Variants in CEP57L1 observed in about 807,000 individuals in gnomAD.
CEP57L1 encodes the protein centrosomal protein CEP57L1.
A neutral mutation model predicts 61.0 loss-of-function variants in CEP57L1; 37 were observed. The ratio of observed to expected loss-of-function variants is 0.61; its 90% confidence interval spans 0.47 to 0.80. CEP57L1 has a LOEUF of 0.80. Among genes scored for constraint, CEP57L1 ranks in the 30% least tolerant of loss-of-function variants. CEP57L1 has a pLI of 0.00. For synonymous variants in CEP57L1, 137 were observed against 162.3 expected (o/e 0.84, Z 1.19); for missense variants, 422 against 524.7 (o/e 0.80, Z 1.91).
intron 1 of CEP57L1, among the ~76,000 whole-genome samples, chr6:109,123,938 G>A (rs1773258181): frequency 6.6e-6 from 1 of 152,114 alleles, no homozygotes; most frequent in African/African-American, 2.4e-5. Context: ...AGGCATGGTG[G>A]CGTGCACCTG....
intron 3 of CEP57L1, among the ~76,000 whole-genome samples, chr6:109,148,541 CA>C: frequency 6.6e-6 from 1 of 152,184 alleles, no homozygotes; most frequent in South Asian, 2.1e-4. Context: ...GGGTAGGTTC[CA>C]AGTCTTTGCT....
rs1315494554 is a variant in CEP57L1, at chr6:109,171,143, G to A, written c.*8173G>A. Among the ~76,000 whole-genome samples, 6 of 152,004 alleles carry A rather than the reference G, an allele frequency of 3.9e-5. No individual in the cohort carries two copies. Among genetic ancestry groups the A allele is most frequent in the Non-Finnish European group, 8.8e-5 (6 of 67,998 alleles). On this transcript the variant is annotated 3_prime_UTR_variant, in exon 11 of 11. Transcript: ENST00000517392. The stretch of plus-strand genomic sequence containing the variant: ...TCTTTTACAGAATGGCTCTCAAGTC[G>A]AAAGAGGGCTGTGCCTTTGGTGTTT...
At chr6:109,126,647 CATT>C in intron 1 of CEP57L1, among the ~76,000 whole-genome samples, 1 of 152,186 alleles carries the variant, frequency 6.6e-6, no homozygotes, top group African/African-American at 2.4e-5. Flanking sequence ...TGACCTTAGA[CATT>C]ATATGTTCTA....
At chr6:109,104,584 GTTTGT>G (rs1173561229) in intron 1 of CEP57L1, among the ~76,000 whole-genome samples, 2 of 151,902 alleles carry the variant, frequency 1.3e-5, no homozygotes, top group Admixed American at 1.3e-4. Context: ...TTTTTTGTTT[GTTTGT>G]TTTGTTTTGT....
Position 109,164,526 on chromosome 6 carries a change from C to T in CEP57L1, c.*1556C>T, listed in dbSNP as rs1407872615. ...TTAGCTCCTCAGCCCTGGAGATGTT[C>T]CATAGGGTGTTTGATCTAAACTCAG... On this transcript the variant is annotated 3_prime_UTR_variant, in exon 11 of 11. Coordinates refer to ENST00000517392, the MANE Select transcript of CEP57L1 (RefSeq NM_001271852.3). 6.6e-6 allele frequency among the ~76,000 whole-genome samples: 1 copy of T among 152,094 alleles called. No individual in the cohort carries two copies. Among genetic ancestry groups the T allele is most frequent in the Non-Finnish European group, 1.5e-5 (1 of 68,006 alleles).
Position 109,167,920 on chromosome 6 carries a change from A to G in CEP57L1, c.*4950A>G, listed in dbSNP as rs756826709. Among the ~76,000 whole-genome samples the G allele has an allele frequency of 6.6e-5, 10 of 152,226 alleles. No individual in the cohort carries two copies. Among genetic ancestry groups the G allele is most frequent in the Non-Finnish European group, 1.3e-4 (9 of 68,030 alleles). On this transcript the variant is annotated 3_prime_UTR_variant, in exon 11 of 11. Transcript: ENST00000517392. Reference sequence around the variant, plus strand: ...ATCTCAAAATACTGTATTAGCTACTATGGAATTCCGTTTTCAAGTTGCTTA... The same window carrying G: ...ATCTCAAAATACTGTATTAGCTACTGTGGAATTCCGTTTTCAAGTTGCTTA...
In CEP57L1 at chr6:109,153,851, A is replaced by G. The variant is rs778591690; in HGVS notation, c.481A>G (p.Lys161Glu). The change falls in exon 5 of 11, where the codon AAA becomes GAA. Residue 161 changes from lysine (K) to glutamate (E), a missense_variant. By Grantham distance (56) the Lys-to-Glu change is moderately conservative (BLOSUM62 1). Transcript: ENST00000517392. ...TTTCTAGGCCCAGCTTCAGAGGGAAAAAGAACAAGATCAGATGAAGCTGTA... is the reference window on the plus strand; with the variant it reads ...TTTCTAGGCCCAGCTTCAGAGGGAAGAAGAACAAGATCAGATGAAGCTGTA... Reference protein sequence around the residue: ...LEQQAQLQREKEQDQMKLYAK... With the variant: ...LEQQAQLQREEEQDQMKLYAK... 6.2e-7 allele frequency: 1 copy of G among 1,610,588 alleles called. No homozygotes were observed. Among genetic ancestry groups the G allele is most frequent in the Admixed American group, 1.7e-5 (1 of 59,480 alleles).
chr6:109,102,280 C>T (rs1382626729), intron 1 of CEP57L1, among the ~76,000 whole-genome samples: 1 of 152,072 alleles, frequency 6.6e-6, no homozygotes. Flanking sequence ...TCACTGTAAC[C>T]TCAAACCCCT....
chr6:109,124,822 T>C (rs188418872), intron 1 of CEP57L1, among the ~76,000 whole-genome samples: 7 of 152,148 alleles, frequency 4.6e-5, no homozygotes, highest in African/African-American at 1.7e-4. Flanking sequence ...GAAGTCATCA[T>C]TGAAATGCCC....
chr6:109,141,148 T>C (rs1227344409), intron 1 of CEP57L1, among the ~76,000 whole-genome samples: 1 of 151,944 alleles, frequency 6.6e-6, no homozygotes, highest in African/African-American at 2.4e-5. Flanking sequence ...TTTATTTGAC[T>C]CTGTAGCTAT....
intron 1 of CEP57L1, among the ~76,000 whole-genome samples, chr6:109,101,986 C>T (rs1307125656): frequency 6.6e-6 from 1 of 152,176 alleles, no homozygotes; most frequent in Non-Finnish European, 1.5e-5. Context: ...GTTCCTGTTG[C>T]GCCCCACCTT....
intron 3 of CEP57L1, among the ~76,000 whole-genome samples, chr6:109,149,352 C>T (rs1008959128): frequency 9.9e-5 from 15 of 152,192 alleles, no homozygotes; most frequent in African/African-American, 3.1e-4. Context: ...AGCCAGTTTT[C>T]CCAGCACCAT....
At chr6:109,102,274 T>C (rs1049960857) in intron 1 of CEP57L1, among the ~76,000 whole-genome samples, 1 of 152,118 alleles carries the variant, frequency 6.6e-6, no homozygotes, top group African/African-American at 2.4e-5. Context: ...CATAGATCAC[T>C]GTAACCTCAA....
intron 1 of CEP57L1, among the ~76,000 whole-genome samples, chr6:109,103,236 G>A (rs907068433): frequency 6.6e-6 from 1 of 152,066 alleles, no homozygotes; most frequent in Admixed American, 6.5e-5. Context: ...ATTATTTACT[G>A]TATAGTAGCA....
intron 1 of CEP57L1, among the ~76,000 whole-genome samples, chr6:109,098,039 A>G (rs1781923190): frequency 6.6e-6 from 1 of 152,232 alleles, no homozygotes; most frequent in Admixed American, 6.5e-5. Flanking sequence ...GACTGAAAGG[A>G]CTAACATTTT....
chr6:109,136,753 T>TTATTG (rs1241528931), intron 1 of CEP57L1, among the ~76,000 whole-genome samples: 21 of 143,542 alleles, frequency 1.5e-4, no homozygotes, highest in Non-Finnish European at 3.1e-4. Flanking sequence ...TTATTTTATT[T>TTATTG]TATTTTATTT....
intron 1 of CEP57L1, among the ~76,000 whole-genome samples, chr6:109,109,380 A>T (rs1439846822): frequency 6.6e-6 from 1 of 152,176 alleles, no homozygotes; most frequent in Non-Finnish European, 1.5e-5. Context: ...CAATTTCCTG[A>T]AAGTTATTTG....
At position 109,160,650 on chromosome 6, in the gene CEP57L1, G is replaced by A; in HGVS notation, c.1095G>A (p.Glu365=). The A allele has an allele frequency of 1.9e-6, 3 of 1,609,564 alleles. No individual in the cohort carries two copies. Among genetic ancestry groups the A allele is most frequent in the Non-Finnish European group, 2.5e-6 (3 of 1,178,290 alleles). The change falls in exon 10 of 11, where the codon GAG becomes GAA. Residue 365 remains glutamate, a synonymous_variant. Transcript: ENST00000517392. The stretch of plus-strand genomic sequence containing the variant: ...GTGACGACATAGAATGTGAACTAGA[G>A]TGTTTACTCAAGAAAATGGAAATTA... ...SVCDDIECEL[E]CLLKKMEIKG...
At chr6:109,127,062 A>T (rs1164667568) in intron 1 of CEP57L1, among the ~76,000 whole-genome samples, 1 of 152,182 alleles carries the variant, frequency 6.6e-6, no homozygotes, top group East Asian at 1.9e-4. Flanking sequence ...GTTACTTGGG[A>T]GGCTGGGGCA....
Sources: gnomAD v4.1 joint callset for allele counts (sites outside exome capture counted in the v4.1 genomes callset) on GRCh38, gnomAD v4.1.1 for gene constraint, MANE v1.5 for transcripts, NCBI Gene and HGNC (gene_info 2026-07-23, HGNC 2026-07-21) for gene names.